NRXN3: variants seen among roughly 807,000 people sequenced by gnomAD.
NRXN3 encodes the protein neurexin III.
Under a neutral mutation model 137.6 loss-of-function variants are expected in NRXN3, and 32 were observed. The ratio of observed to expected loss-of-function variants is 0.23; its 90% CI spans 0.18 to 0.31. NRXN3 has a LOEUF of 0.31. Ranked by LOEUF, NRXN3 falls within the 10% of genes least tolerant of loss-of-function variation. The probability of loss-of-function intolerance (pLI) is 1.00; values close to 1 mark genes in which losing one functional copy is unlikely to be tolerated. For missense variants in NRXN3, 1,574 were observed against 2,062.5 expected, an observed-to-expected ratio of 0.76 and a Z score of 4.59; for synonymous variants, 798 against 784.5, an observed-to-expected ratio of 1.02 and a Z score of -0.29.
intron 10 of NRXN3, among the ~76,000 whole-genome samples, chr14:78,945,084 C>T (rs1277607941): frequency 6.6e-6 from 1 of 152,106 alleles, no homozygotes; most frequent in Non-Finnish European, 1.5e-5. Context: ...GTGTTACTTC[C>T]CATCCTATAG....
intron 16 of NRXN3, among the ~76,000 whole-genome samples, chr14:79,516,158 C>T (rs943572728): frequency 6.6e-6 from 1 of 152,144 alleles, no homozygotes; most frequent in African/African-American, 2.4e-5. Context: ...AAGTCATTAG[C>T]GCTCCATCTA....
intron 2 of NRXN3, among the ~76,000 whole-genome samples, chr14:78,250,691 G>A (rs1041870980): frequency 1.3e-5 from 2 of 152,206 alleles, no homozygotes; most frequent in Admixed American, 6.5e-5. Context: ...GACCCTGAAC[G>A]TGTCATGGGT....
chr14:78,608,487 T>C (rs925394883), intron 4 of NRXN3, among the ~76,000 whole-genome samples: 2 of 152,234 alleles, frequency 1.3e-5, no homozygotes, highest in Non-Finnish European at 2.9e-5. Context: ...CATATTTGTG[T>C]ATATGCTGCA....
intron 15 of NRXN3, among the ~76,000 whole-genome samples, chr14:79,412,587 TG>T (rs1191633222): frequency 4.6e-5 from 7 of 150,904 alleles, no homozygotes; most frequent in Non-Finnish European, 1.0e-4. Flanking sequence ...GAGACCAGCC[TG>T]GCCAACATGA....
At chr14:78,756,215 C>T (rs368917094) in intron 8 of NRXN3, among the ~76,000 whole-genome samples, 18 of 152,228 alleles carry the variant, frequency 1.2e-4, no homozygotes, top group East Asian at 3.9e-4. Context: ...TAGCCGGGTG[C>T]GGTGGCTCAT....
At chr14:78,928,001 CA>C (rs1462040669) in intron 10 of NRXN3, among the ~76,000 whole-genome samples, 1 of 152,178 alleles carries the variant, frequency 6.6e-6, no homozygotes, top group Non-Finnish European at 1.5e-5. Flanking sequence ...TAGATAAATA[CA>C]ACAGCTTCCT....
intron 6 of NRXN3, among the ~76,000 whole-genome samples, chr14:78,661,404 G>A (rs1265924975): frequency 6.6e-6 from 1 of 152,226 alleles, no homozygotes; most frequent in Non-Finnish European, 1.5e-5. Context: ...GGGTTTAGAT[G>A]CAAGAGCTAT....
chr14:78,481,503 G>A (rs1051444896), intron 4 of NRXN3, among the ~76,000 whole-genome samples: 6 of 152,104 alleles, frequency 3.9e-5, no homozygotes, highest in African/African-American at 9.7e-5. Context: ...AGTGACAGCC[G>A]GGGCTTTTTC....
At chr14:79,731,639 C>T (rs1027326435) in intron 19 of NRXN3, among the ~76,000 whole-genome samples, 4 of 143,406 alleles carry the variant, frequency 2.8e-5, no homozygotes, top group Non-Finnish European at 6.1e-5. Context: ...TTTTTCCCTT[C>T]CTTCTTTTTT....
intron 20 of NRXN3, among the ~76,000 whole-genome samples, chr14:79,809,771 C>T (rs933664644): frequency 5.3e-5 from 8 of 152,188 alleles, no homozygotes; most frequent in Admixed American, 1.3e-4. Flanking sequence ...TTCCCAACTG[C>T]ACTTCTATTA....
At chr14:79,070,209 T>C (rs1419102916) in intron 15 of NRXN3, among the ~76,000 whole-genome samples, 1 of 152,186 alleles carries the variant, frequency 6.6e-6, no homozygotes, top group African/African-American at 2.4e-5. Context: ...GTTTCCGTAA[T>C]GCCCTTGACA....
intron 4 of NRXN3, among the ~76,000 whole-genome samples, chr14:78,383,122 C>A (rs1309802495): frequency 6.6e-6 from 1 of 152,166 alleles, no homozygotes; most frequent in African/African-American, 2.4e-5. Flanking sequence ...AACCCTCCTA[C>A]AAGTGAATCA....
intron 4 of NRXN3, among the ~76,000 whole-genome samples, chr14:78,524,946 T>G (rs1258333114): frequency 6.6e-6 from 1 of 152,192 alleles, no homozygotes; most frequent in East Asian, 1.9e-4. Context: ...GCCTTTTCTT[T>G]CCGTTTGCAT....
At chr14:78,220,712 G>T (rs1189512788) in intron 1 of NRXN3, among the ~76,000 whole-genome samples, 4 of 152,110 alleles carry the variant, frequency 2.6e-5, no homozygotes, top group Non-Finnish European at 5.9e-5. Flanking sequence ...TGATAGAACA[G>T]GGTCCCAGGG....
intron 10 of NRXN3, among the ~76,000 whole-genome samples, chr14:78,831,360 A>G (rs982782995): frequency 6.6e-6 from 1 of 151,866 alleles, no homozygotes; most frequent in Non-Finnish European, 1.5e-5. Flanking sequence ...AGATGGTGAA[A>G]CCCCGTCTCT....
chr14:78,972,642 C>T (rs1297198538), intron 14 of NRXN3, among the ~76,000 whole-genome samples: 1 of 152,172 alleles, frequency 6.6e-6, no homozygotes, highest in Non-Finnish European at 1.5e-5. Flanking sequence ...CGCCCCTGCC[C>T]TGCTCTGCTG....
chr14:78,280,290 A>G (rs961427417), intron 3 of NRXN3, among the ~76,000 whole-genome samples: 2 of 152,232 alleles, frequency 1.3e-5, no homozygotes, highest in African/African-American at 4.8e-5. Context: ...ATACATATAT[A>G]CACACGTATA....
At chr14:79,047,867 G>C (rs1280044906) in intron 15 of NRXN3, among the ~76,000 whole-genome samples, 1 of 152,090 alleles carries the variant, frequency 6.6e-6, no homozygotes, top group African/African-American at 2.4e-5. Flanking sequence ...TGGAAAAATT[G>C]CAGTTTTTAA....
chr14:79,762,855 T>G (rs72698406), intron 19 of NRXN3, among the ~76,000 whole-genome samples: 50,613 of 151,368 alleles, frequency 0.33, 9,208 homozygotes, highest in Middle Eastern at 0.42. Context: ...TGAACATCTG[T>G]TTTTTCTTTT....
Sources: allele counts gnomAD v4.1 joint callset (sites outside exome capture counted in the v4.1 genomes callset), GRCh38; gene constraint gnomAD v4.1.1; transcripts MANE v1.5; gene names NCBI Gene and HGNC (gene_info 2026-07-23, HGNC 2026-07-21).